Variants in FABP12 observed in about 807,000 individuals in gnomAD.
FABP12 encodes fatty acid binding protein 12.
FABP12 carries 19 observed loss-of-function variants against 13.7 expected under a neutral mutation model. The observed-to-expected ratio is 1.39, with a 90% CI of 0.97 to 2.04. The LOEUF is 2.04. Among genes scored for constraint, FABP12 ranks in the 30% most tolerant of loss-of-function variants. FABP12 has a pLI of 0.00. For synonymous variants in FABP12, 61 were observed against 57.0 expected (o/e 1.07, Z -0.32); for missense variants, 182 against 164.2 (o/e 1.11, Z -0.59).
chr8:81,551,515 G>A (rs1809522059), intron 1 of FABP12, among the ~76,000 whole-genome samples: 1 of 152,132 alleles, frequency 6.6e-6, no homozygotes, highest in Non-Finnish European at 1.5e-5. Flanking sequence ...TTTATAAAAA[G>A]ACTTAAGGCA....
At chr8:81,558,750 C>T (rs1809665415) in intron 1 of FABP12, among the ~76,000 whole-genome samples, 1 of 151,916 alleles carries the variant, frequency 6.6e-6, no homozygotes, top group African/African-American at 2.4e-5. Context: ...ATTATCCGGG[C>T]ATGGTGGCAC....
intron 1 of FABP12, among the ~76,000 whole-genome samples, chr8:81,543,719 T>C (rs1809390295): frequency 6.6e-6 from 1 of 152,238 alleles, no homozygotes; most frequent in African/African-American, 2.4e-5. Context: ...TTTTTCTTTC[T>C]ATTTTTCAAT....
At chr8:81,558,887 CAAAAAAAAAAAA>C (rs35682824) in intron 1 of FABP12, among the ~76,000 whole-genome samples, 3 of 67,532 alleles carry the variant, frequency 4.4e-5, no homozygotes, top group Admixed American at 1.7e-4. Context: ...AAGGCTCCAT[CAAAAAAAAAAAA>C]AAAAAAAAAA....
intron 1 of FABP12, among the ~76,000 whole-genome samples, chr8:81,547,958 A>G (rs1809462555): frequency 6.6e-6 from 1 of 152,220 alleles, no homozygotes; most frequent in African/African-American, 2.4e-5. Flanking sequence ...AGAAAAGAAA[A>G]TGATCAAATA....
intron 1 of FABP12, among the ~76,000 whole-genome samples, chr8:81,575,494 T>C (rs981849022): frequency 6.6e-6 from 1 of 152,228 alleles, no homozygotes. Context: ...ATAGTTAAAA[T>C]CCATTGTTTC....
chr8:81,585,278 G>T (rs567754270), intron 1 of FABP12, among the ~76,000 whole-genome samples: 25 of 152,186 alleles, frequency 1.6e-4, no homozygotes, highest in Non-Finnish European at 2.6e-4. Context: ...AGAGATAAGG[G>T]TTCTATTTTT....
intron 1 of FABP12, among the ~76,000 whole-genome samples, chr8:81,550,915 T>C (rs1809513715): frequency 6.6e-6 from 1 of 152,212 alleles, no homozygotes; most frequent in African/African-American, 2.4e-5. Context: ...CAGAAGAGGT[T>C]ACTTTTCTTA....
chr8:81,558,493 C>T lies in FABP12; in HGVS notation c.-184-18750G>A, dbSNP rs184353795. On this transcript the variant is annotated intron_variant, in intron 1 of 5. Coordinates refer to the FABP12 transcript ENST00000692030. ...CTACCCACTCTCTCTTCCAGGCTGC[C>T]GCAGTCCCTGAGCCTGCTCCACGTG... Among the ~76,000 whole-genome samples, 289 of 152,218 alleles carry T rather than the reference C, an allele frequency of 1.9e-3. 1 individual carries two copies. Among genetic ancestry groups the T allele is most frequent in the African/African-American group, 6.2e-3 (258 of 41,536 alleles).
chr8:81,557,923 T>C (rs1229021271), intron 1 of FABP12, among the ~76,000 whole-genome samples: 2 of 152,208 alleles, frequency 1.3e-5, no homozygotes, highest in South Asian at 2.1e-4. Context: ...AGTAACACCC[T>C]GGTACTCATG....
intron 1 of FABP12, among the ~76,000 whole-genome samples, chr8:81,586,213 T>C (rs780078663): frequency 2.0e-5 from 3 of 151,882 alleles, no homozygotes; most frequent in Non-Finnish European, 4.4e-5. Flanking sequence ...ATGATGTATA[T>C]GTACCACATT....
chr8:81,551,927 G>A (rs1411305349), intron 1 of FABP12, among the ~76,000 whole-genome samples: 1 of 152,060 alleles, frequency 6.6e-6, no homozygotes, highest in Non-Finnish European at 1.5e-5. Flanking sequence ...AAATATTTAA[G>A]GGTCTAGTCG....
At chr8:81,547,677 T>G (rs1809457495) in intron 1 of FABP12, among the ~76,000 whole-genome samples, 2 of 152,222 alleles carry the variant, frequency 1.3e-5, no homozygotes, top group South Asian at 4.1e-4. Flanking sequence ...TATCATTTAA[T>G]TTTTCATAAC....
chr8:81,567,486 A>G lies in FABP12; in HGVS notation c.-185+22567T>C, dbSNP rs190083009. 6.6e-3 allele frequency among the ~76,000 whole-genome samples: 999 copies of G among 152,288 alleles called. 7 individuals carry two copies. The highest frequency in any genetic ancestry group is 0.01 in the Non-Finnish European group (710 of 68,012). ...ACATAGACCAGTGGGACACAAGAGA[A>G]CCCAGAAATAAATCCATAAATCTAG... On this transcript the variant is annotated intron_variant, in intron 1 of 5. Transcript: ENST00000692030.
chr8:81,535,531 C>A (rs746112333), upstream of FABP12, among the ~76,000 whole-genome samples: 1 of 152,168 alleles, frequency 6.6e-6, no homozygotes, highest in Non-Finnish European at 1.5e-5. Context: ...ATCCACAGAC[C>A]TACCGGACCT....
intron 1 of FABP12, among the ~76,000 whole-genome samples, chr8:81,558,634 G>A (rs888568634): frequency 2.0e-5 from 3 of 152,112 alleles, no homozygotes; most frequent in Non-Finnish European, 2.9e-5. Flanking sequence ...GCTCGTGCCT[G>A]TAATTCCAGC....
chr8:81,543,336 T>C (rs1195362213), intron 1 of FABP12, among the ~76,000 whole-genome samples: 2 of 152,168 alleles, frequency 1.3e-5, no homozygotes, highest in Non-Finnish European at 2.9e-5. Flanking sequence ...GTTTGGGCAA[T>C]GTAGAGTAGC....
chr8:81,569,425 C>A (rs1809885491), intron 1 of FABP12, among the ~76,000 whole-genome samples: 1 of 152,178 alleles, frequency 6.6e-6, no homozygotes, highest in African/African-American at 2.4e-5. Flanking sequence ...CCTTTCAACA[C>A]TGGCTCCAAG....
chr8:81,585,722 T>C (rs1331579296), intron 1 of FABP12, among the ~76,000 whole-genome samples: 1 of 152,190 alleles, frequency 6.6e-6, no homozygotes, highest in Non-Finnish European at 1.5e-5. Flanking sequence ...TAACTTCACA[T>C]TTTTTGTGTG....
At chr8:81,566,328 T>G (rs564093896) in intron 1 of FABP12, among the ~76,000 whole-genome samples, 1 of 152,146 alleles carries the variant, frequency 6.6e-6, no homozygotes, top group African/African-American at 2.4e-5. Flanking sequence ...AAAGCCAGTA[T>G]TACCCCAATA....
Sources: gnomAD v4.1 joint callset for allele counts (sites outside exome capture counted in the v4.1 genomes callset) on GRCh38, gnomAD v4.1.1 for gene constraint, MANE v1.5 for transcripts, NCBI Gene and HGNC (gene_info 2026-07-23, HGNC 2026-07-21) for gene names.